PAPLN: variants seen among roughly 807,000 people sequenced by gnomAD.
PAPLN encodes the protein papilin.
A neutral mutation model predicts 159.0 loss-of-function variants in PAPLN; 146 were observed. The observed-to-expected ratio is 0.92, with a 90% CI of 0.80 to 1.05. The LOEUF (loss-of-function observed/expected upper bound fraction) is 1.05, where lower values mean the gene tolerates loss of function less well. Among genes scored for constraint, PAPLN ranks in the 50% least tolerant of loss-of-function variants. The probability of loss-of-function intolerance (pLI) is 0.00; values close to 1 mark genes in which losing one functional copy is unlikely to be tolerated. For missense variants in PAPLN, 1,720 were observed against 1,743.9 expected (o/e 0.99, Z 0.24); for synonymous variants, 734 against 702.9 (o/e 1.04, Z -0.70).
chr14:73,262,347 C>A lies in PAPLN; in HGVS notation c.2246-3C>A. ...TGACTTATATCACACCCATGCCCTG[C>A]AGCCTACCCCGTGCGGTGCCTGCTG... On this transcript the variant is annotated splice_polypyrimidine_tract_variant and splice_region_variant and intron_variant, in intron 18 of 26. Coordinates refer to ENST00000644200, the MANE Select transcript of PAPLN (RefSeq NM_001365906.3). The A allele has an allele frequency of 3.1e-6, 5 of 1,604,548 alleles. 1 individual carries two copies. In the South Asian group the frequency reaches 5.6e-5, roughly 18 times the overall value.
At chr14:73,271,705 T>C (rs971485221) in intron 26 of PAPLN, among the ~76,000 whole-genome samples, 1 of 152,194 alleles carries the variant, frequency 6.6e-6, no homozygotes, top group African/African-American at 2.4e-5. Flanking sequence ...TTTCACCATA[T>C]TGGCCAGGCT....
intron 18 of PAPLN, chr14:73,261,972 G>C (rs774624520): frequency 3.6e-5 from 8 of 221,734 alleles, no homozygotes; most frequent in Non-Finnish European, 5.3e-5. Flanking sequence ...GGTGGCTCAG[G>C]TCTGTGTCCC....
rs528983631 is a variant in PAPLN at position 73,245,630 on chromosome 14, C to T, written c.171-6C>T. ...GTCAGGTCTTCCCGGTGCTCTGGTC[C>T]CGCAGGAGAGATGGAGGCTCCAGCT... On this transcript the variant is annotated splice_polypyrimidine_tract_variant and splice_region_variant and intron_variant, in intron 3 of 26. Coordinates refer to ENST00000644200, the MANE Select transcript of PAPLN (RefSeq NM_001365906.3). The surrounding 1 kb of genome is among the most constrained non-coding windows in gnomAD (Gnocchi z 4.2). The T allele has an allele frequency of 3.2e-6, 5 of 1,557,258 alleles. No homozygotes were observed. Among genetic ancestry groups the T allele is most frequent in the South Asian group, 1.2e-5 (1 of 84,730 alleles).
intron 5 of PAPLN, 106 bp from the exon 6 acceptor site, chr14:73,249,878 C>A: frequency 7.5e-7 from 1 of 1,337,790 alleles, no homozygotes; most frequent in Non-Finnish European, 9.8e-7. Context: ...GGGCCTGCTG[C>A]AGGGCTTTCT....
rs775151308 is a variant in PAPLN at position 73,266,495 on chromosome 14, C to A, written c.3264-6C>A. ...CTGGAGCCAACTGGCTGTACTTGGT[C>A]CCCAGACACCAGCTGCAGCCTGATG... On this transcript the variant is annotated splice_region_variant and splice_polypyrimidine_tract_variant and intron_variant, in intron 23 of 26. Coordinates refer to ENST00000644200, the MANE Select transcript of PAPLN (RefSeq NM_001365906.3). 6.2e-7 allele frequency: 1 copy of A among 1,613,526 alleles called. No homozygotes were observed. Among genetic ancestry groups the A allele is most frequent in the East Asian group, 2.2e-5 (1 of 44,868 alleles).
chr14:73,265,448 A>G lies in PAPLN; in HGVS notation c.3204A>G (p.Glu1068=). The change falls in exon 23 of 27, where the codon GAA becomes GAG. Residue 1068 remains glutamate, a synonymous_variant. Transcript: ENST00000644200. The surrounding 1 kb of genome is among the most constrained non-coding windows in gnomAD (Gnocchi z 4.1). The stretch of plus-strand genomic sequence containing the variant: ...GGATCCGGATGACCTGCCGTGCCGA[A>G]GGCTTCCCGCCCCCAGCCATCGAGT... ...GQRIRMTCRA[E]GFPPPAIEWQ... 1 of 1,613,608 alleles carries G rather than the reference A, an allele frequency of 6.2e-7. No individual in the cohort carries two copies. The highest frequency in any genetic ancestry group is 8.5e-7 in the Non-Finnish European group (1 of 1,180,012).
chr14:73,250,315 A>T (rs970300034), intron 6 of PAPLN, among the ~76,000 whole-genome samples: 5 of 152,214 alleles, frequency 3.3e-5, no homozygotes, highest in Non-Finnish European at 5.9e-5. Flanking sequence ...TCCTTGGAGA[A>T]CGCTAGCCCT....
At position 73,260,746 on chromosome 14, in the gene PAPLN, G is replaced by A; in HGVS notation, c.2023G>A (p.Gly675Arg). The A allele has an allele frequency of 2.0e-6, 3 of 1,475,786 alleles. 1 individual carries two copies. The highest frequency in any genetic ancestry group is 2.7e-6 in the Non-Finnish European group (3 of 1,117,090). The allele number at this position is 1,475,786 out of a possible 1,614,324, so 91.4% of individuals were successfully genotyped here. The change falls in exon 17 of 27, where the codon GGG (glycine) becomes AGG (arginine). Residue 675 changes from glycine to arginine, a missense_variant. Gly to Arg is a moderately radical substitution (Grantham distance 125). Coordinates refer to ENST00000644200, the MANE Select transcript of PAPLN (RefSeq NM_001365906.3). ...CCPDRVSVAE[G>R]PHHAGCTKSY... ...CCCTGACAGGGTATCTGTCGCTGAG[G>A]GGCCCCATCACGCTGGCTGCACAAA...
intron 2 of PAPLN, 165 bp from the exon 3 acceptor site, chr14:73,244,479 T>G: frequency 1.7e-6 from 1 of 596,402 alleles, no homozygotes; most frequent in Non-Finnish European, 3.0e-6. Context: ...GGAATATGTT[T>G]TGGGGTGCCC....
chr14:73,268,989 G>C (rs1335654510), intron 26 of PAPLN, among the ~76,000 whole-genome samples: 2 of 152,192 alleles, frequency 1.3e-5, no homozygotes, highest in African/African-American at 4.8e-5. Flanking sequence ...TAGCTTAATA[G>C]ACATTAATGC....
chr14:73,255,164 A>G, intron 14 of PAPLN, 146 bp downstream of exon 14: 1 of 1,225,670 alleles, frequency 8.2e-7, no homozygotes, highest in East Asian at 2.6e-5. Flanking sequence ...CCCCCGCTGA[A>G]CCCTTTGCCA....
chr14:73,237,061 T>C (rs1594766913), upstream of PAPLN, among the ~76,000 whole-genome samples: 1 of 151,682 alleles, frequency 6.6e-6, no homozygotes, highest in African/African-American at 2.4e-5. Flanking sequence ...GTAGAGGGGA[T>C]TGGGAGAGCG....
Position 73,263,683 on chromosome 14 carries a change from C to A in PAPLN, c.2762C>A (p.Ala921Glu), listed in dbSNP as rs775925480. ...LAGVEPSLVQAALGQLVRLSC... is the reference protein window; with the variant it reads ...LAGVEPSLVQEALGQLVRLSC... Reference sequence around the variant, plus strand: ...GGTGTGGAGCCCTCGTTGGTGCAGGCAGCCCTGGGGCAGTTGGTGCGGCTC... The same window carrying A: ...GGTGTGGAGCCCTCGTTGGTGCAGGAAGCCCTGGGGCAGTTGGTGCGGCTC... Residue 921 changes from alanine (A) to glutamate (E), a missense_variant, in exon 20 of 27, where the codon GCA becomes GAA. By Grantham distance (107) the Ala-to-Glu change is moderately radical (BLOSUM62 -1). Transcript: ENST00000644200. The A allele has an allele frequency of 1.2e-5, 20 of 1,613,472 alleles. No homozygotes were observed. Among genetic ancestry groups the A allele is most frequent in the Non-Finnish European group, 1.6e-5 (19 of 1,180,014 alleles).
Position 73,246,207 on chromosome 14 carries a change from C to A in PAPLN, c.334+32C>A, listed in dbSNP as rs1425606183. 9 of 1,530,904 alleles carry A rather than the reference C, an allele frequency of 5.9e-6. No homozygotes were observed. In the East Asian group the frequency reaches 1.0e-4, roughly 17 times the overall value. The allele number at this position is 1,530,904 out of a possible 1,614,324, so 94.8% of individuals were successfully genotyped here. On this transcript the variant is annotated intron_variant, in intron 5 of 26. Coordinates refer to ENST00000644200, the MANE Select transcript of PAPLN (RefSeq NM_001365906.3). ...GCGGCCGGGACTCGCTCTCTCGGGG[C>A]CTCTTGTATACCTACGTTGATGCCA...
At position 73,261,291 on chromosome 14, in the gene PAPLN, C is replaced by G; in HGVS notation, c.2242C>G (p.His748Asp). The change falls in exon 18 of 27, where the codon CAT becomes GAT. Residue 748 changes from histidine to aspartate, a missense_variant. Coordinates refer to ENST00000644200, the MANE Select transcript of PAPLN (RefSeq NM_001365906.3). ...GGAAGGCTGTGTGGGCCAGCCCAGC[C>G]ATGGTGAGTGGACACCCCCTCTCCT... Reference protein sequence around the residue: ...LGEGCVGQPSHAYPVRCLLPS... With the variant: ...LGEGCVGQPSDAYPVRCLLPS... 1 of 1,613,678 alleles carries G rather than the reference C, an allele frequency of 6.2e-7. No homozygotes were observed.
Position 73,245,667 on chromosome 14 carries a change from G to C in PAPLN, c.202G>C (p.Ala68Pro), listed in dbSNP as rs769846702. 2 of 1,557,074 alleles carry C rather than the reference G, an allele frequency of 1.3e-6. No homozygotes were observed. Among genetic ancestry groups the C allele is most frequent in the Non-Finnish European group, 8.7e-7 (1 of 1,153,276 alleles). The change falls in exon 4 of 27, where the codon GCC becomes CCC. Residue 68 changes from alanine to proline, a missense_variant. Physicochemically the swap from Ala to Pro is conservative, Grantham distance 27 (BLOSUM62 -1). Coordinates refer to ENST00000644200, the MANE Select transcript of PAPLN (RefSeq NM_001365906.3). The surrounding 1 kb of genome is among the most constrained non-coding windows in gnomAD (Gnocchi z 4.2). ...TGGAGGCTCCAGCTGCGTGGGCCCCGCCCGGAGCCACCGCTCTTGTCGCAC... is the reference window on the plus strand; with the variant it reads ...TGGAGGCTCCAGCTGCGTGGGCCCCCCCCGGAGCCACCGCTCTTGTCGCAC... Reference protein sequence around the residue: ...RDGGSSCVGPARSHRSCRTES... With the variant: ...RDGGSSCVGPPRSHRSCRTES...
At chr14:73,261,048 G>A (rs113217434) in intron 17 of PAPLN, 108 bp from the exon 18 acceptor site, 4 of 1,573,060 alleles carry the variant, frequency 2.5e-6, no homozygotes, top group Non-Finnish European at 3.5e-6. Flanking sequence ...GTCTCCCCTG[G>A]GCTGGGGTTC....
At chr14:73,240,355 C>G (rs1352655707) in intron 2 of PAPLN, among the ~76,000 whole-genome samples, 1 of 152,118 alleles carries the variant, frequency 6.6e-6, no homozygotes, top group African/African-American at 2.4e-5. Flanking sequence ...TAGGTAGCCC[C>G]TAGGTCCATT....
intron 10 of PAPLN, 51 bp from the exon 11 acceptor site, chr14:73,252,598 C>T: frequency 6.3e-7 from 1 of 1,595,704 alleles, no homozygotes. Context: ...AGGGAACGCG[C>T]TTGGTGAATG....
Sources: gnomAD v4.1 joint callset for allele counts (sites outside exome capture counted in the v4.1 genomes callset) on GRCh38, gnomAD v4.1.1 for gene constraint, Gnocchi (gnomAD v3.1) non-coding constraint, MANE v1.5 for transcripts, NCBI Gene and HGNC (gene_info 2026-07-23, HGNC 2026-07-21) for gene names.